Variants in DNAJC13 observed in about 807,000 individuals in gnomAD.
DNAJC13 encodes DnaJ heat shock protein family (Hsp40) member C13, also known as dnaJ homolog subfamily C member 13.
DNAJC13 carries 75 observed loss-of-function variants against 290.5 expected under a neutral mutation model. The observed-to-expected ratio is 0.26, with a 90% CI of 0.21 to 0.31. The LOEUF (loss-of-function observed/expected upper bound fraction) is 0.31, where lower values mean the gene tolerates loss of function less well. Ranked by LOEUF, DNAJC13 falls within the 10% of genes least tolerant of loss-of-function variation. DNAJC13 has a pLI of 1.00. For synonymous variants in DNAJC13, 862 were observed against 892.0 expected (o/e 0.97, Z 0.60); for missense variants, 2,260 against 2,674.5 (o/e 0.85, Z 3.42).
At chr3:132,511,742 A>G (rs1362989066) in intron 44 of DNAJC13, among the ~76,000 whole-genome samples, 2 of 152,152 alleles carry the variant, frequency 1.3e-5, no homozygotes, top group Non-Finnish European at 2.9e-5. Flanking sequence ...ATTTCCAAAA[A>G]CATTACTCTA....
chr3:132,518,431 C>T (rs955924899), intron 48 of DNAJC13, among the ~76,000 whole-genome samples: 1 of 152,186 alleles, frequency 6.6e-6, no homozygotes, highest in Non-Finnish European at 1.5e-5. Flanking sequence ...TAGCTCACTG[C>T]AGCCTCTGTC....
At chr3:132,478,215 T>A in intron 24 of DNAJC13, 75 bp downstream of exon 24, 1 of 1,302,570 alleles carries the variant, frequency 7.7e-7, no homozygotes, top group Non-Finnish European at 1.0e-6. Context: ...AAACTAAATT[T>A]AAATTCTGTT....
At chr3:132,525,103 G>A (rs1936211957) in intron 51 of DNAJC13, among the ~76,000 whole-genome samples, 1 of 152,176 alleles carries the variant, frequency 6.6e-6, no homozygotes, top group Non-Finnish European at 1.5e-5. Context: ...CACTTTGGGA[G>A]GCCAAGGCGG....
rs116404367 is a variant in DNAJC13 at position 132,515,271 on chromosome 3, C to G, written c.5485+601C>G. Among the ~76,000 whole-genome samples, 177 of 152,224 alleles carry G rather than the reference C, an allele frequency of 1.2e-3. 1 individual carries two copies. Among genetic ancestry groups the G allele is most frequent in the Non-Finnish European group, 2.0e-3 (133 of 67,994 alleles). On this transcript the variant is annotated intron_variant, in intron 46 of 55. Coordinates refer to ENST00000260818, the MANE Select transcript of DNAJC13 (RefSeq NM_015268.4). ...ATATAACTTCAAACTCAGCAATAAC[C>G]AGAATACATTGCTTAGTTGGCTTTG...
chr3:132,480,037 A>G (rs1934616144), intron 25 of DNAJC13, among the ~76,000 whole-genome samples: 1 of 152,204 alleles, frequency 6.6e-6, no homozygotes, highest in South Asian at 2.1e-4. Context: ...TATTTCTGAT[A>G]TAGAATAATC....
At chr3:132,475,186 T>C in intron 22 of DNAJC13, 101 bp downstream of exon 22, 1 of 792,104 alleles carries the variant, frequency 1.3e-6, no homozygotes. Context: ...ATATCTGGTC[T>C]TTACCTTTCC....
intron 1 of DNAJC13, among the ~76,000 whole-genome samples, chr3:132,424,845 A>G (rs1205139474): frequency 6.6e-6 from 1 of 152,058 alleles, no homozygotes; most frequent in Non-Finnish European, 1.5e-5. Context: ...TATCATACAT[A>G]TTACACATAC....
At chr3:132,454,488 A>ATTTTTTTC (rs796563248) in intron 9 of DNAJC13, among the ~76,000 whole-genome samples, 2 of 151,080 alleles carry the variant, frequency 1.3e-5, no homozygotes, top group Non-Finnish European at 2.9e-5. Flanking sequence ...CGCCCAGCTA[A>ATTTTTTTC]TTTTTTTCTT....
rs766878692 is a variant in DNAJC13 at position 132,538,179 on chromosome 3, C to G, written c.6629C>G (p.Pro2210Arg). The change falls in exon 56 of 56, where the codon CCT becomes CGT. Residue 2210 changes from proline to arginine, a missense_variant. Pro to Arg is a moderately radical substitution (Grantham distance 103). Around this residue, in one of 3 missense-constraint regions of DNAJC13, gnomAD observed 1,494 missense variants for 1,693.7 expected, o/e 0.88. Transcript: ENST00000260818. ...TGTTTACCTTTCTCTCTTGCAGGAC[C>G]TGGAGTTGCTGGCTACCTTACCGCA... Reference protein sequence around the residue: ...ESQTAGYLTGPGVAGYLTAGT... With the variant: ...ESQTAGYLTGRGVAGYLTAGT... 3 of 1,613,558 alleles carry G rather than the reference C, an allele frequency of 1.9e-6. No individual in the cohort carries two copies. The highest frequency in any genetic ancestry group is 2.5e-6 in the Non-Finnish European group (3 of 1,179,750).
At position 132,503,188 on chromosome 3, in the gene DNAJC13, T is replaced by C. The variant is rs779553366; in HGVS notation, c.4717-26T>C. On this transcript the variant is annotated intron_variant, in intron 40 of 55. Transcript: ENST00000260818. ...CCTATGTAAGATAACAGATCTACTTTAACAACTTAATTTTTTTTATAACAG... is the reference window on the plus strand; with the variant it reads ...CCTATGTAAGATAACAGATCTACTTCAACAACTTAATTTTTTTTATAACAG... The C allele has an allele frequency of 6.8e-6, 11 of 1,610,404 alleles. No homozygotes were observed. The African/African-American group carries it at 1.2e-4, about 18-fold the overall frequency.
chr3:132,521,303 C>T (rs1270037817), intron 48 of DNAJC13, among the ~76,000 whole-genome samples: 1 of 151,882 alleles, frequency 6.6e-6, no homozygotes, highest in Non-Finnish European at 1.5e-5. Flanking sequence ...ATCTTAGCTA[C>T]TCAGGAGGTT....
At chr3:132,504,725 T>C (rs753647590) in intron 41 of DNAJC13, among the ~76,000 whole-genome samples, 1 of 152,206 alleles carries the variant, frequency 6.6e-6, no homozygotes, top group Non-Finnish European at 1.5e-5. Context: ...GTGTTTACAT[T>C]TAAAATTGAG....
intron 45 of DNAJC13, 49 bp downstream of exon 45, chr3:132,513,148 T>C (rs775597008): frequency 1.3e-5 from 19 of 1,453,164 alleles, no homozygotes; most frequent in South Asian, 2.3e-5. Flanking sequence ...CCACTTACCA[T>C]GTGTAATTTG....
intron 20 of DNAJC13, among the ~76,000 whole-genome samples, chr3:132,471,430 A>G (rs1325786149): frequency 1.5e-5 from 2 of 131,716 alleles, no homozygotes; most frequent in African/African-American, 2.9e-5. Flanking sequence ...CCGGGCGGAG[A>G]GGCTCCTCAC....
At chr3:132,511,032 C>G (rs1174274673) in intron 43 of DNAJC13, 35 bp from the exon 44 acceptor site, 1 of 1,600,112 alleles carries the variant, frequency 6.2e-7, no homozygotes, top group African/African-American at 1.3e-5. Flanking sequence ...TCTTAGGGCA[C>G]CCATGTTGTT....
intron 20 of DNAJC13, 25 bp from the exon 21 acceptor site, chr3:132,473,120 A>G: frequency 1.3e-6 from 2 of 1,525,954 alleles, no homozygotes; most frequent in Non-Finnish European, 9.0e-7. Flanking sequence ...CAGATTGAGC[A>G]CTATGAAGTT....
chr3:132,455,774 T>C (rs1933576889), intron 9 of DNAJC13, among the ~76,000 whole-genome samples: 2 of 152,206 alleles, frequency 1.3e-5, no homozygotes, highest in South Asian at 4.1e-4. Flanking sequence ...TGAAGTTTCT[T>C]TAAAAAGCAA....
intron 48 of DNAJC13, among the ~76,000 whole-genome samples, chr3:132,518,600 A>C (rs1423117552): frequency 6.6e-6 from 1 of 151,940 alleles, no homozygotes. Flanking sequence ...CATGTGATCC[A>C]CCCGCCTTGG....
intron 35 of DNAJC13, 33 bp from the exon 36 acceptor site, chr3:132,496,495 A>G: frequency 1.3e-6 from 2 of 1,527,464 alleles, no homozygotes; most frequent in Non-Finnish European, 1.8e-6. Context: ...CGACATTCCA[A>G]ATTAACGTTA....
Sources: gnomAD v4.1 joint callset for allele counts (sites outside exome capture counted in the v4.1 genomes callset) on GRCh38, gnomAD v4.1.1 for gene constraint, gnomAD v4.1.1 regional missense constraint, MANE v1.5 for transcripts, NCBI Gene and HGNC (gene_info 2026-07-23, HGNC 2026-07-21) for gene names.